The following MAGI2 variants were observed in gnomAD, a reference collection of about 807,000 sequenced individuals.
MAGI2 encodes membrane associated guanylate kinase, WW and PDZ domain containing 2.
In MAGI2, 35 loss-of-function variants were observed where a neutral mutation model predicts 133.3. That is an observed-to-expected ratio of 0.26 (90% CI 0.20 to 0.35). The LOEUF is 0.35. Ranked by LOEUF, MAGI2 falls within the 10% of genes least tolerant of loss-of-function variation. The probability of loss-of-function intolerance (pLI) is 1.00; values close to 1 mark genes in which losing one functional copy is unlikely to be tolerated. For missense variants in MAGI2, 1,636 were observed against 1,863.4 expected (o/e 0.88, Z 2.25); for synonymous variants, 729 against 710.6 (o/e 1.03, Z -0.41).
intron 2 of MAGI2, among the ~76,000 whole-genome samples, chr7:78,840,331 T>G (rs1792023222): frequency 6.6e-6 from 1 of 152,034 alleles, no homozygotes; most frequent in African/African-American, 2.4e-5. Context: ...ATACAATACG[T>G]TGAGTATGAT....
At chr7:78,447,147 C>T (rs893425278) in intron 6 of MAGI2, among the ~76,000 whole-genome samples, 3 of 152,012 alleles carry the variant, frequency 2.0e-5, no homozygotes, top group Non-Finnish European at 4.4e-5. Context: ...ATCAGAAGTG[C>T]AGCTAGGAAA....
chr7:78,837,455 T>A (rs1437723804), intron 2 of MAGI2, among the ~76,000 whole-genome samples: 1 of 152,216 alleles, frequency 6.6e-6, no homozygotes, highest in East Asian at 1.9e-4. Flanking sequence ...TTTCCATTTT[T>A]ATTATGGAAG....
chr7:78,494,484 T>G (rs1247091474), intron 5 of MAGI2, among the ~76,000 whole-genome samples: 1 of 152,172 alleles, frequency 6.6e-6, no homozygotes, highest in African/African-American at 2.4e-5. Context: ...TCTGTTCCAG[T>G]TTTTCATTCA....
intron 2 of MAGI2, among the ~76,000 whole-genome samples, chr7:78,862,179 G>C (rs1477374238): frequency 6.6e-6 from 1 of 152,094 alleles, no homozygotes; most frequent in Non-Finnish European, 1.5e-5. Flanking sequence ...TGAGAGAAAG[G>C]TTTTCTTTAA....
chr7:79,322,641 C>T (rs939511678), intron 1 of MAGI2, among the ~76,000 whole-genome samples: 9 of 151,780 alleles, frequency 5.9e-5, no homozygotes, highest in African/African-American at 1.7e-4. Context: ...AAAAATTAGC[C>T]GGGCCATAGT....
At chr7:79,043,009 A>T (rs1811815843) in intron 1 of MAGI2, among the ~76,000 whole-genome samples, 1 of 152,162 alleles carries the variant, frequency 6.6e-6, no homozygotes, top group South Asian at 2.1e-4. Context: ...ATTAAGTCAG[A>T]AATCAATAAA....
rs1807890519 is a variant in MAGI2 at position 78,017,477 on chromosome 7, A to G, written c.*1838T>C. The G allele has an allele frequency of 6.6e-6, 1 of 152,504 alleles. No homozygotes were observed. Among genetic ancestry groups the G allele is most frequent in the Non-Finnish European group, 1.5e-5 (1 of 68,034 alleles). 9.4% of individuals were successfully genotyped at this position (152,504 alleles called of 1,614,324 possible). Reference sequence around the variant, plus strand: ...CAGTACCAGGACGTGCAGCTACACTACAGAAGCATTGTCCAAAACCAGATT... The same window carrying G: ...CAGTACCAGGACGTGCAGCTACACTGCAGAAGCATTGTCCAAAACCAGATT... On this transcript the variant is annotated 3_prime_UTR_variant, in exon 22 of 22. Coordinates refer to ENST00000354212, the MANE Select transcript of MAGI2 (RefSeq NM_012301.4).
At chr7:78,235,666 G>GT (rs1486946160) in intron 10 of MAGI2, among the ~76,000 whole-genome samples, 5 of 152,122 alleles carry the variant, frequency 3.3e-5, no homozygotes, top group African/African-American at 1.2e-4. Context: ...CTGCAGAACC[G>GT]TGAGTCAATT....
In MAGI2 at chr7:78,995,170, G is replaced by A. The variant is rs575649632; in HGVS notation, c.418+11920C>T. Among the ~76,000 whole-genome samples, 524 of 149,120 alleles carry A rather than the reference G, an allele frequency of 3.5e-3. 5 individuals are homozygous for A. The highest frequency in any genetic ancestry group is 0.012 in the African/African-American group (498 of 40,588). On this transcript the variant is annotated intron_variant, in intron 2 of 21. Coordinates refer to ENST00000354212, the MANE Select transcript of MAGI2 (RefSeq NM_012301.4). Reference sequence around the variant, plus strand: ...TATACTAACACTAACAAAAGCTGATGAAAAAAAAAATCACAAAAAAATCTC... The same window carrying A: ...TATACTAACACTAACAAAAGCTGATAAAAAAAAAAATCACAAAAAAATCTC...
At chr7:79,439,134 G>T (rs2129194822) in intron 1 of MAGI2, among the ~76,000 whole-genome samples, 1 of 151,952 alleles carries the variant, frequency 6.6e-6, no homozygotes, top group Non-Finnish European at 1.5e-5. Context: ...CCCACCTTGG[G>T]TCACACTCTT....
intron 1 of MAGI2, among the ~76,000 whole-genome samples, chr7:79,199,263 A>T: frequency 6.6e-6 from 1 of 151,932 alleles, no homozygotes; most frequent in East Asian, 1.9e-4. Context: ...CTGCATTTGG[A>T]GGGCAGAAGG....
At chr7:79,428,756 T>G (rs1358458364) in intron 1 of MAGI2, among the ~76,000 whole-genome samples, 1 of 152,146 alleles carries the variant, frequency 6.6e-6, no homozygotes, top group Non-Finnish European at 1.5e-5. Flanking sequence ...CCTTTCCTTA[T>G]CAGATTATAT....
chr7:78,879,542 A>AATG, intron 2 of MAGI2, among the ~76,000 whole-genome samples: 1 of 152,240 alleles, frequency 6.6e-6, no homozygotes, highest in Middle Eastern at 3.4e-3. Flanking sequence ...AGAGGAAAAT[A>AATG]ATGATAATAA....
At chr7:78,393,686 G>C (rs1353068585) in intron 6 of MAGI2, among the ~76,000 whole-genome samples, 1 of 152,232 alleles carries the variant, frequency 6.6e-6, no homozygotes, top group Admixed American at 6.5e-5. Flanking sequence ...AAGGACAACA[G>C]TGAGAGACAT....
At chr7:79,269,161 C>G (rs1427496824) in intron 1 of MAGI2, among the ~76,000 whole-genome samples, 1 of 152,150 alleles carries the variant, frequency 6.6e-6, no homozygotes, top group African/African-American at 2.4e-5. Flanking sequence ...GTTAGCAGTT[C>G]TCTCCGCTTT....
chr7:78,900,652 T>A (rs908990270), intron 2 of MAGI2, among the ~76,000 whole-genome samples: 4 of 152,214 alleles, frequency 2.6e-5, no homozygotes, highest in African/African-American at 9.6e-5. Flanking sequence ...CTATGCCAAC[T>A]GTTGTCACTC....
intron 2 of MAGI2, among the ~76,000 whole-genome samples, chr7:78,634,418 T>C (rs1809405927): frequency 2.0e-5 from 3 of 152,204 alleles, no homozygotes; most frequent in African/African-American, 7.2e-5. Context: ...TAGATCTATG[T>C]GTCTGGGAAG....
chr7:79,189,331 A>T (rs1005774988), intron 1 of MAGI2, among the ~76,000 whole-genome samples: 3 of 151,250 alleles, frequency 2.0e-5, no homozygotes, highest in Non-Finnish European at 4.4e-5. Flanking sequence ...AAAAAAAAAA[A>T]AATGGCACCC....
intron 1 of MAGI2, among the ~76,000 whole-genome samples, chr7:79,030,086 G>T (rs1810417585): frequency 6.6e-6 from 1 of 152,174 alleles, no homozygotes; most frequent in Admixed American, 6.5e-5. Flanking sequence ...CTGGGCCCAA[G>T]ACCTTGAACT....
Sources: gnomAD v4.1 joint callset for allele counts (sites outside exome capture counted in the v4.1 genomes callset) on GRCh38, gnomAD v4.1.1 for gene constraint, MANE v1.5 for transcripts, NCBI Gene and HGNC (gene_info 2026-07-23, HGNC 2026-07-21) for gene names.